Variants in MINDY2 observed in about 807,000 individuals in gnomAD.
MINDY2 encodes the protein MINDY lysine 48 deubiquitinase 2, also known as ubiquitin carboxyl-terminal hydrolase MINDY-2.
Under a neutral mutation model 68.2 loss-of-function variants are expected in MINDY2, and 52 were observed. That is an observed-to-expected ratio of 0.76 (90% CI 0.61 to 0.96). The LOEUF is 0.96. MINDY2 is among the 40% of genes least tolerant of loss of function. MINDY2 has a pLI of 0.00. For synonymous variants in MINDY2, 372 were observed against 303.0 expected, an observed-to-expected ratio of 1.23 and a Z score of -2.36; for missense variants, 881 against 773.4, an observed-to-expected ratio of 1.14 and a Z score of -1.65.
intron 6 of MINDY2, among the ~76,000 whole-genome samples, chr15:58,843,701 G>C (rs1185675710): frequency 2.6e-5 from 4 of 151,876 alleles, no homozygotes; most frequent in African/African-American, 9.7e-5. Context: ...GGGCGTGGTG[G>C]TGGGCACCTG....
At position 58,772,011 on chromosome 15, in the gene MINDY2, GA is replaced by G; in HGVS notation, c.617del (p.Glu206GlyfsTer76). On this transcript the variant is annotated frameshift_variant, in exon 1 of 9. Coordinates refer to ENST00000559228, the MANE Select transcript of MINDY2 (RefSeq NM_001040450.3). LOFTEE classifies it high-confidence loss of function. ...GAENRVPEEE[E>X]GAAVLPGAVP... ...GGAGAACAGGGTCCCTGAGGAGGAG[GA>G]GGGCGCGGCGGTGTTGCCCGGGGCT... The G allele has an allele frequency of 6.3e-7, 1 of 1,595,732 alleles. No individual in the cohort carries two copies. Among genetic ancestry groups the G allele is most frequent in the Admixed American group, 1.7e-5 (1 of 57,462 alleles).
At chr15:58,835,108 G>A (rs1189177152) in intron 6 of MINDY2, among the ~76,000 whole-genome samples, 3 of 152,200 alleles carry the variant, frequency 2.0e-5, no homozygotes, top group African/African-American at 7.2e-5. Context: ...GTGCTCACTA[G>A]TAGTAGGAAT....
chr15:58,810,380 G>A lies in MINDY2; in HGVS notation c.1114G>A (p.Asp372Asn). ...DIPLYHGWLV[D>N]PQIDDIVKAV... ...TCCTTTGTACCATGGGTGGTTAGTA[G>A]ACCCTCAGGTAAGTCGAAGAATTTA... Residue 372 changes from aspartate to asparagine, a missense_variant, in exon 4 of 9, where the codon GAC becomes AAC. Asp to Asn is a conservative substitution (Grantham distance 23, BLOSUM62 1). Transcript: ENST00000559228. 2 of 1,583,890 alleles carry A rather than the reference G, an allele frequency of 1.3e-6. No homozygotes were observed. Among genetic ancestry groups the A allele is most frequent in the Non-Finnish European group, 1.7e-6 (2 of 1,167,088 alleles).
At chr15:58,791,249 A>ATATATATATATATATG (rs1901888035) in intron 2 of MINDY2, among the ~76,000 whole-genome samples, 1 of 92,850 alleles carries the variant, frequency 1.1e-5, no homozygotes, top group African/African-American at 4.4e-5. Flanking sequence ...ATATATATAT[A>ATATATATATATATATG]TATATATCTT....
At chr15:58,794,736 G>T (rs1822548920) in intron 2 of MINDY2, among the ~76,000 whole-genome samples, 1 of 152,044 alleles carries the variant, frequency 6.6e-6, no homozygotes, top group African/African-American at 2.4e-5. Flanking sequence ...CTGCATTGTC[G>T]TCAAGACAGA....
intron 5 of MINDY2, among the ~76,000 whole-genome samples, chr15:58,830,919 A>C (rs2031674810): frequency 6.6e-6 from 1 of 151,972 alleles, no homozygotes; most frequent in Admixed American, 6.6e-5. Flanking sequence ...AAATGCTGCA[A>C]GTATTGATTT....
intron 6 of MINDY2, among the ~76,000 whole-genome samples, chr15:58,843,035 T>C (rs1181851482): frequency 2.0e-5 from 3 of 152,232 alleles, no homozygotes; most frequent in East Asian, 1.9e-4. Context: ...TAAAATACTT[T>C]AGAAACTCTC....
intron 1 of MINDY2, among the ~76,000 whole-genome samples, chr15:58,784,620 C>CTTT (rs777455607): frequency 8.5e-5 from 11 of 129,872 alleles, no homozygotes; most frequent in Non-Finnish European, 9.8e-5. Context: ...TCTTTCTTTC[C>CTTT]TTTTTTTTTT....
intron 4 of MINDY2, chr15:58,815,181 G>A (rs2030595717): frequency 1.3e-5 from 2 of 152,042 alleles, no homozygotes; most frequent in Admixed American, 1.3e-4. Flanking sequence ...AGTTGTCCTA[G>A]TACCATTTGC....
At chr15:58,801,380 T>TAAAAAAAAAAAAAAA (rs1188514448) in intron 2 of MINDY2, among the ~76,000 whole-genome samples, 1 of 22,590 alleles carries the variant, frequency 4.4e-5, no homozygotes, top group Non-Finnish European at 8.3e-5. Flanking sequence ...CCCCATCTCT[T>TAAAAAAAAAAAAAAA]AAAAAAAAAA....
At chr15:58,823,101 AGT>A (rs2031169660) in intron 5 of MINDY2, among the ~76,000 whole-genome samples, 2 of 150,958 alleles carry the variant, frequency 1.3e-5, no homozygotes, top group African/African-American at 4.9e-5. Flanking sequence ...GAAAATGCAT[AGT>A]ATTTTAGTTA....
chr15:58,824,588 C>T (rs1014220965), intron 5 of MINDY2, among the ~76,000 whole-genome samples: 3 of 151,546 alleles, frequency 2.0e-5, no homozygotes, highest in Non-Finnish European at 2.9e-5. Context: ...TTGTATAAGA[C>T]ACTAAGAAAT....
chr15:58,844,574 A>G (rs1295278197), intron 6 of MINDY2, among the ~76,000 whole-genome samples: 1 of 150,662 alleles, frequency 6.6e-6, no homozygotes, highest in African/African-American at 2.4e-5. Flanking sequence ...AAAAAAAAAA[A>G]AAAAAAAATC....
intron 3 of MINDY2, among the ~76,000 whole-genome samples, chr15:58,807,993 T>C (rs1476405153): frequency 6.6e-6 from 1 of 151,858 alleles, no homozygotes; most frequent in Non-Finnish European, 1.5e-5. Context: ...CTCTCCTTCT[T>C]TCCTCTCCCA....
intron 2 of MINDY2, among the ~76,000 whole-genome samples, chr15:58,789,082 A>G (rs112399136): frequency 6.6e-6 from 1 of 152,172 alleles, no homozygotes; most frequent in Non-Finnish European, 1.5e-5. Flanking sequence ...TCACGCCTGT[A>G]ATCCCAGCAC....
chr15:58,784,293 TCCAGCCTGGAGGA>T (rs1743187567), intron 1 of MINDY2, among the ~76,000 whole-genome samples: 1 of 152,114 alleles, frequency 6.6e-6, no homozygotes, highest in South Asian at 2.1e-4. Context: ...GCCACTGCGA[TCCAGCCTGGAGGA>T]CAGTGAGAAC....
At chr15:58,816,107 A>T (rs1276117156) in intron 4 of MINDY2, among the ~76,000 whole-genome samples, 1 of 152,266 alleles carries the variant, frequency 6.6e-6, no homozygotes, top group Non-Finnish European at 1.5e-5. Flanking sequence ...GATGGAATGC[A>T]GCATACATGT....
intron 6 of MINDY2, among the ~76,000 whole-genome samples, chr15:58,843,583 C>A (rs1167815161): frequency 6.6e-6 from 1 of 152,112 alleles, no homozygotes; most frequent in Non-Finnish European, 1.5e-5. Flanking sequence ...TAAATTAATT[C>A]TACATGGAGT....
intron 1 of MINDY2, among the ~76,000 whole-genome samples, chr15:58,774,395 A>T (rs762308474): frequency 5.9e-5 from 9 of 151,814 alleles, no homozygotes; most frequent in Non-Finnish European, 1.2e-4. Flanking sequence ...GAGGCAGGAG[A>T]ATCTCTTGAA....
Sources: gnomAD v4.1 joint callset for allele counts (sites outside exome capture counted in the v4.1 genomes callset) on GRCh38, gnomAD v4.1.1 for gene constraint, MANE v1.5 for transcripts, NCBI Gene and HGNC (gene_info 2026-07-23, HGNC 2026-07-21) for gene names.